Variants in CCDC14 observed in about 807,000 individuals in gnomAD.
CCDC14 encodes the protein coiled-coil domain-containing protein 14.
A neutral mutation model predicts 81.4 loss-of-function variants in CCDC14; 71 were observed. That is an observed-to-expected ratio of 0.87 (90% CI 0.72 to 1.06). The LOEUF (loss-of-function observed/expected upper bound fraction) is 1.06, where lower values mean the gene tolerates loss of function less well. Ranked by LOEUF, CCDC14 falls within the 50% of genes least tolerant of loss-of-function variation. The pLI, the probability that CCDC14 is intolerant of heterozygous loss-of-function variation, is 0.00. For missense variants in CCDC14, 1,046 were observed against 1,047.3 expected (o/e 1.00, Z 0.02); for synonymous variants, 332 against 364.8 (o/e 0.91, Z 1.03).
At chr3:123,885,484 T>TA in the CCDC14 span, among the ~76,000 whole-genome samples, 1 of 151,694 alleles carries the variant, frequency 6.6e-6, no homozygotes, top group Non-Finnish European at 1.5e-5. Context: ...CACTCTTTTT[T>TA]TTTTTAATTT....
At chr3:123,931,074 T>C (rs755220864) in intron 12 of CCDC14, 28 bp downstream of exon 12, 1 of 1,534,216 alleles carries the variant, frequency 6.5e-7, no homozygotes, top group South Asian at 1.3e-5. Flanking sequence ...AAAAAAGGCA[T>C]GAGTTATTCA....
chr3:123,909,075 G>C (rs1052438593), downstream of CCDC14, among the ~76,000 whole-genome samples: 1 of 151,908 alleles, frequency 6.6e-6, no homozygotes. Context: ...CCTCCAAGAA[G>C]GTCTGTTCTG....
chr3:123,900,085 C>A (rs187795696), intron 5 of CCDC14, among the ~76,000 whole-genome samples: 1 of 152,114 alleles, frequency 6.6e-6, no homozygotes, highest in Non-Finnish European at 1.5e-5. Context: ...TTCTATATAT[C>A]CAAGCAATAA....
At position 123,949,040 on chromosome 3, in the gene CCDC14, C is replaced by T. The variant is rs1484785556; in HGVS notation, c.445G>A (p.Asp149Asn). The T allele has an allele frequency of 1.2e-6, 2 of 1,613,578 alleles. No individual in the cohort carries two copies. The highest frequency in any genetic ancestry group is 1.7e-6 in the Non-Finnish European group (2 of 1,179,754). ...ATGGGTGAATACATTCTATAATGATCTTGCAATGACCAGTTTTGCTCTAGG... is the reference window on the plus strand; with the variant it reads ...ATGGGTGAATACATTCTATAATGATTTTGCAATGACCAGTTTTGCTCTAGG... Reference protein sequence around the residue: ...SDLEQNWSLQDHYRMYSPIIY... With the variant: ...SDLEQNWSLQNHYRMYSPIIY... Residue 149 changes from aspartate (D) to asparagine (N), a missense_variant, in exon 6 of 13, where the codon GAT becomes AAT. Physicochemically the swap from Asp to Asn is conservative, Grantham distance 23. Transcript: ENST00000409697.
intron 12 of CCDC14, among the ~76,000 whole-genome samples, chr3:123,924,534 G>A (rs544378796): frequency 3.3e-5 from 5 of 152,042 alleles, no homozygotes; most frequent in Non-Finnish European, 5.9e-5. Flanking sequence ...TATGCAAACC[G>A]TACGTGATAA....
At chr3:123,940,050 T>A (rs1483004467) in intron 9 of CCDC14, among the ~76,000 whole-genome samples, 1 of 151,588 alleles carries the variant, frequency 6.6e-6, no homozygotes, top group Non-Finnish European at 1.5e-5. Context: ...AATAAAAATT[T>A]TTTAAAGGGT....
At chr3:123,902,569 T>C (rs2034199011) in intron 5 of CCDC14, among the ~76,000 whole-genome samples, 1 of 152,154 alleles carries the variant, frequency 6.6e-6, no homozygotes. Context: ...CTTGCAAAAT[T>C]CAGACTGTGG....
chr3:123,927,215 G>A (rs1336417817), intron 12 of CCDC14, among the ~76,000 whole-genome samples: 3 of 151,216 alleles, frequency 2.0e-5, no homozygotes, highest in African/African-American at 4.9e-5. Flanking sequence ...AGACCAGCTG[G>A]GGCAACATGG....
chr3:123,928,287 G>A (rs1456563562), intron 12 of CCDC14, among the ~76,000 whole-genome samples: 2 of 147,792 alleles, frequency 1.4e-5, no homozygotes, highest in African/African-American at 5.1e-5. Context: ...CATGAAGTCA[G>A]GAGATAGAGA....
intron 3 of CCDC14, 32 bp from the exon 4 acceptor site, chr3:123,956,147 T>C (rs1394302566): frequency 6.7e-7 from 1 of 1,487,624 alleles, no homozygotes; most frequent in South Asian, 1.3e-5. Context: ...AGAATACATT[T>C]GTATATGACT....
Position 123,915,545 on chromosome 3 carries a change from G to A in CCDC14, c.1952C>T (p.Thr651Ile), listed in dbSNP as rs2034627008. ...CTCTGAATGTGTAAAACTGTAATTT[G>A]TTTCTAACTTATTTAGATAGCTCAT... is the stretch of plus-strand genomic sequence containing the variant. Reference protein sequence around the residue: ...SIMSYLNKLETNYSFTHSEPL... With the variant: ...SIMSYLNKLEINYSFTHSEPL... The change falls in exon 13 of 13, where the codon ACA becomes ATA. Residue 651 changes from threonine to isoleucine, a missense_variant. Thr to Ile is a moderately conservative substitution (Grantham distance 89, BLOSUM62 -1). Coordinates refer to ENST00000409697, the MANE Select transcript of CCDC14 (RefSeq NM_001366335.1). The A allele has an allele frequency of 1.2e-6, 2 of 1,613,960 alleles. No individual in the cohort carries two copies. Among genetic ancestry groups the A allele is most frequent in the Admixed American group, 1.7e-5 (1 of 60,028 alleles).
intron 5 of CCDC14, chr3:123,954,206 A>G (rs1006410689): frequency 1.3e-5 from 2 of 152,196 alleles, no homozygotes; most frequent in Admixed American, 6.6e-5. Context: ...TTGGGCCCCA[A>G]TAAAAAGGCC....
At chr3:123,956,209 C>A (rs1577341083) in intron 3 of CCDC14, 94 bp from the exon 4 acceptor site, 1 of 1,319,240 alleles carries the variant, frequency 7.6e-7, no homozygotes, top group East Asian at 2.5e-5. Context: ...TGTTTATTTA[C>A]AAACTATTAT....
intron 12 of CCDC14, among the ~76,000 whole-genome samples, chr3:123,923,929 AAATAG>A (rs2035201026): frequency 6.6e-6 from 1 of 151,290 alleles, no homozygotes; most frequent in South Asian, 2.1e-4. Flanking sequence ...TTTTTCACAG[AAATAG>A]AATAAACTAT....
rs540467175 is a variant in CCDC14, at chr3:123,933,363, T to C, written c.1426+310A>G. Among the ~76,000 whole-genome samples, 3 of 152,312 alleles carry C rather than the reference T, an allele frequency of 2.0e-5. No individual in the cohort carries two copies. The East Asian group carries it at 5.8e-4, about 29-fold the overall frequency. On this transcript the variant is annotated intron_variant, in intron 10 of 12. Coordinates refer to ENST00000409697, the MANE Select transcript of CCDC14 (RefSeq NM_001366335.1). ...AGAAGCTGTGGAAAAGTATGTACAG[T>C]GTGATCTCATTTTTAAAAAAGTACA... is the stretch of plus-strand genomic sequence containing the variant.
At chr3:123,901,613 G>A (rs1429640155) in intron 5 of CCDC14, among the ~76,000 whole-genome samples, 1 of 152,078 alleles carries the variant, frequency 6.6e-6, no homozygotes, top group Non-Finnish European at 1.5e-5. Flanking sequence ...ACACACTATG[G>A]TTAGAGGAGA....
At position 123,915,671 on chromosome 3, in the gene CCDC14, T is replaced by C. The variant is rs2034638807; in HGVS notation, c.1826A>G (p.Asp609Gly). 6.2e-7 allele frequency: 1 copy of C among 1,613,864 alleles called. No homozygotes were observed. Among genetic ancestry groups the C allele is most frequent in the Non-Finnish European group, 8.5e-7 (1 of 1,179,850 alleles). ...ATTCCCAGGCTTGCAGCGAGCACTG[T>C]CCACACTAAGATCGGAGAGAAGCTT... is the stretch of plus-strand genomic sequence containing the variant. ...MAKLLSDLSV[D>G]SARCKPGNNL... The change falls in exon 13 of 13, where the codon GAC becomes GGC. Residue 609 changes from aspartate (D) to glycine (G), a missense_variant. Asp to Gly is a moderately conservative substitution (Grantham distance 94). Transcript: ENST00000409697.
rs1347261442 is a variant in CCDC14, at chr3:123,948,989, C to T, written c.496G>A (p.Val166Met). ...PIIYQALCEH[V>M]QTQMSLMNDL... ...TTCATCAGTGACATCTGAGTCTGCA[C>T]GTGCTCACAGAGGGCTTGGTATATT... Residue 166 changes from valine (V) to methionine (M), a missense_variant, in exon 6 of 13, where the codon GTG (valine) becomes ATG (methionine). Val to Met is a conservative substitution (Grantham distance 21, BLOSUM62 1). Transcript: ENST00000409697. 3.1e-6 allele frequency: 5 copies of T among 1,613,822 alleles called. No individual in the cohort carries two copies. The African/African-American group carries it at 4.0e-5, about 13-fold the overall frequency.
At chr3:123,887,680 T>G in the CCDC14 span, among the ~76,000 whole-genome samples, 35 of 152,336 alleles carry the variant, frequency 2.3e-4, no homozygotes, top group African/African-American at 8.4e-4. Context: ...TCCAGTAATT[T>G]TATTAGAATG....
Sources: gnomAD v4.1 joint callset for allele counts (sites outside exome capture counted in the v4.1 genomes callset) on GRCh38, gnomAD v4.1.1 for gene constraint, MANE v1.5 for transcripts, NCBI Gene and HGNC (gene_info 2026-07-23, HGNC 2026-07-21) for gene names.